The following WAC variants were observed in gnomAD, a reference collection of about 807,000 sequenced individuals.
WAC encodes WW domain-containing adapter protein with coiled-coil.
A neutral mutation model predicts 79.6 loss-of-function variants in WAC; 11 were observed. The ratio of observed to expected loss-of-function variants is 0.14; its 90% CI spans 0.09 to 0.23. The LOEUF is 0.23. Among genes scored for constraint, WAC ranks in the 10% least tolerant of loss-of-function variants. The probability of loss-of-function intolerance (pLI) is 1.00; values close to 1 mark genes in which losing one functional copy is unlikely to be tolerated. For missense variants in WAC, 728 were observed against 773.5 expected (o/e 0.94, Z 0.70); for synonymous variants, 304 against 276.9 (o/e 1.10, Z -0.97).
chr10:28,557,840 C>T (rs567910987), intron 3 of WAC, among the ~76,000 whole-genome samples: 29 of 152,092 alleles, frequency 1.9e-4, no homozygotes, highest in African/African-American at 6.3e-4. Context: ...TTTCAGAGGC[C>T]GAGGTGGGTG....
intron 6 of WAC, among the ~76,000 whole-genome samples, chr10:28,593,326 G>A (rs1840192967): frequency 6.6e-6 from 1 of 152,088 alleles, no homozygotes; most frequent in South Asian, 2.1e-4. Context: ...CTTAAAGCTT[G>A]TTCTTGACTA....
Position 28,617,753 on chromosome 10 carries a change from T to C in WAC, c.1843T>C (p.Cys615Arg), listed in dbSNP as rs773140045. ...LKNLRSLVRV[C>R]EIQATLREQR... is the part of the protein sequence containing the mutation. ...AAATTTAAGATCTTTAGTCCGAGTA[T>C]GTGAAATTCAAGCAACTTTGCGAGA... The change falls in exon 13 of 14, where the codon TGT (cysteine) becomes CGT (arginine). Residue 615 changes from cysteine (C) to arginine (R), a missense_variant. Cys to Arg is a radical substitution (Grantham distance 180). Transcript: ENST00000354911. 6.3e-7 allele frequency: 1 copy of C among 1,592,924 alleles called. No homozygotes were observed. Among genetic ancestry groups the C allele is most frequent in the South Asian group, 1.2e-5 (1 of 83,964 alleles).
chr10:28,611,999 T>C (rs775077834), intron 10 of WAC, 77 bp downstream of exon 10: 33 of 1,534,712 alleles, frequency 2.2e-5, no homozygotes, highest in Middle Eastern at 1.7e-4. Context: ...GAATCTGTTA[T>C]AGAAAAAGCC....
At chr10:28,608,611 C>A in intron 8 of WAC, 180 bp downstream of exon 8, 1 of 637,388 alleles carries the variant, frequency 1.6e-6, no homozygotes, top group Non-Finnish European at 2.6e-6. Context: ...AGTTTAAGAC[C>A]ATTGGTAGTA....
chr10:28,611,769 T>C lies in WAC; in HGVS notation c.1289-5T>C. The C allele has an allele frequency of 6.2e-7, 1 of 1,606,772 alleles. No individual in the cohort carries two copies. The highest frequency in any genetic ancestry group is 8.5e-7 in the Non-Finnish European group (1 of 1,178,282). On this transcript the variant is annotated splice_polypyrimidine_tract_variant and splice_region_variant and intron_variant, in intron 9 of 13. Coordinates refer to ENST00000354911, the MANE Select transcript of WAC (RefSeq NM_016628.5). ...TTTAAAATTAATTGCTTCCCTCTTT[T>C]ACAGCCCAGCCATCTAATCAGTCTC...
chr10:28,552,679 G>T (rs928067882), intron 3 of WAC, among the ~76,000 whole-genome samples: 1 of 151,912 alleles, frequency 6.6e-6, no homozygotes, highest in Non-Finnish European at 1.5e-5. Context: ...TTTTGGGTTT[G>T]GATATTATGT....
At chr10:28,543,605 T>C (rs1456998422) in intron 3 of WAC, among the ~76,000 whole-genome samples, 2 of 152,244 alleles carry the variant, frequency 1.3e-5, no homozygotes, top group African/African-American at 4.8e-5. Context: ...GGAAAGTATT[T>C]TGTATGCTTG....
intron 3 of WAC, among the ~76,000 whole-genome samples, chr10:28,566,769 T>C (rs1838639754): frequency 6.6e-6 from 1 of 152,252 alleles, no homozygotes; most frequent in Non-Finnish European, 1.5e-5. Flanking sequence ...TCTGCTGGGA[T>C]GCTTTTAGAA....
rs370962021 is a variant in WAC, at chr10:28,550,880, C to T, written c.274+15123C>T. ...ACCATTATCAATCTCTTAAGTAGCC[C>T]GGCTGGTTAGACTAGTGTCCGTTGC... On this transcript the variant is annotated intron_variant, in intron 3 of 13. Transcript: ENST00000354911. Among the ~76,000 whole-genome samples, 34 of 152,214 alleles carry T rather than the reference C, an allele frequency of 2.2e-4. 3 individuals are homozygous for T. The South Asian group carries it at 3.9e-3, about 18-fold the overall frequency.
intron 3 of WAC, among the ~76,000 whole-genome samples, chr10:28,541,925 G>A (rs1837074852): frequency 6.6e-6 from 1 of 152,150 alleles, no homozygotes; most frequent in Non-Finnish European, 1.5e-5. Context: ...TAGCCAGAGT[G>A]ATCCAGTTAA....
chr10:28,600,570 G>C (rs1840592244), intron 7 of WAC, among the ~76,000 whole-genome samples: 1 of 152,048 alleles, frequency 6.6e-6, no homozygotes. Context: ...TAGGAATTTA[G>C]TCTTAGTCAT....
At chr10:28,591,032 T>C (rs899459730) in intron 6 of WAC, 200 bp downstream of exon 6, 31 of 526,580 alleles carry the variant, frequency 5.9e-5, no homozygotes, top group Non-Finnish European at 1.1e-4. Flanking sequence ...AGTACAGGTA[T>C]GTGTTTCCCA....
At chr10:28,577,924 C>G (rs1839331984) in intron 3 of WAC, among the ~76,000 whole-genome samples, 1 of 152,050 alleles carries the variant, frequency 6.6e-6, no homozygotes, top group African/African-American at 2.4e-5. Context: ...TTTGGGAGAC[C>G]AAGGCAGGTG....
chr10:28,614,520 A>T, intron 10 of WAC, 47 bp from the exon 11 acceptor site: 1 of 1,434,748 alleles, frequency 7.0e-7, no homozygotes, highest in Non-Finnish European at 9.8e-7. Flanking sequence ...GGGGGGAGAG[A>T]TGTGGATTAG....
At chr10:28,571,999 T>G (rs1001615279) in intron 3 of WAC, among the ~76,000 whole-genome samples, 2 of 152,122 alleles carry the variant, frequency 1.3e-5, no homozygotes, top group African/African-American at 4.8e-5. Flanking sequence ...ACTACTTAAT[T>G]TAAAAATAAA....
chr10:28,558,282 G>A (rs1400728293), intron 3 of WAC, among the ~76,000 whole-genome samples: 1 of 152,126 alleles, frequency 6.6e-6, no homozygotes, highest in Non-Finnish European at 1.5e-5. Context: ...TTATTGAGGA[G>A]AGTGATTTAC....
intron 3 of WAC, among the ~76,000 whole-genome samples, chr10:28,540,207 CAGAT>C (rs1480266859): frequency 6.6e-6 from 1 of 152,074 alleles, no homozygotes; most frequent in Non-Finnish European, 1.5e-5. Flanking sequence ...TGGAAGACAA[CAGAT>C]AGTATCCTTA....
intron 3 of WAC, among the ~76,000 whole-genome samples, chr10:28,581,008 C>T (rs1839503619): frequency 6.6e-6 from 1 of 152,132 alleles, no homozygotes; most frequent in African/African-American, 2.4e-5. Context: ...GCCTAAGAGT[C>T]ATACAGGATG....
intron 9 of WAC, chr10:28,611,405 C>T (rs1280761498): frequency 7.7e-7 from 1 of 1,305,288 alleles, no homozygotes; most frequent in Non-Finnish European, 1.0e-6. Flanking sequence ...TTGCAACCCT[C>T]TGGCTAGCCT....
Sources: allele counts gnomAD v4.1 joint callset (sites outside exome capture counted in the v4.1 genomes callset), GRCh38; gene constraint gnomAD v4.1.1; transcripts MANE v1.5; gene names NCBI Gene and HGNC (gene_info 2026-07-23, HGNC 2026-07-21).